The following DNAH9 variants were observed in gnomAD, a reference collection of about 807,000 sequenced individuals.
DNAH9 encodes dynein axonemal heavy chain 9, also known as DNAH9 variant protein.
In DNAH9, 345 loss-of-function variants were observed where a neutral mutation model predicts 471.6. The ratio of observed to expected loss-of-function variants is 0.73; its 90% CI spans 0.67 to 0.80. DNAH9 has a LOEUF of 0.80. Among genes scored for constraint, DNAH9 ranks in the 30% least tolerant of loss-of-function variants. DNAH9 has a pLI of 0.00. For missense variants in DNAH9, 5,407 were observed against 5,609.2 expected (o/e 0.96, Z 1.15); for synonymous variants, 2,093 against 2,123.6 (o/e 0.99, Z 0.40).
chr17:11,611,267 C>T (rs1480715928), intron 3 of DNAH9, among the ~76,000 whole-genome samples: 1 of 152,212 alleles, frequency 6.6e-6, no homozygotes, highest in African/African-American at 2.4e-5. Flanking sequence ...TGCTGAGATG[C>T]CCCATGCTCT....
intron 4 of DNAH9, 50 bp downstream of exon 4, chr17:11,611,830 C>G: frequency 6.3e-7 from 1 of 1,584,734 alleles, no homozygotes; most frequent in South Asian, 1.1e-5. Context: ...AAGTTACCGT[C>G]GAATGATGCA....
Position 11,690,331 on chromosome 17 carries a change from C to A in DNAH9, c.4509C>A (p.Ser1503=). The change falls in exon 20 of 69, where the codon TCC becomes TCA. Residue 1503 remains serine (S), a synonymous_variant. Coordinates refer to ENST00000262442, the MANE Select transcript of DNAH9 (RefSeq NM_001372.4). ...EEVSGWQKKL[S]TVDAVISIWF... ...TGTCGGGCTGGCAGAAGAAGCTGTC[C>A]ACAGTGGACGCTGTCATCTCTATCT... 6.2e-7 allele frequency: 1 copy of A among 1,614,162 alleles called. No individual in the cohort carries two copies. The highest frequency in any genetic ancestry group is 8.5e-7 in the Non-Finnish European group (1 of 1,180,026).
At chr17:11,879,669 A>C (rs1348620543) in intron 53 of DNAH9, among the ~76,000 whole-genome samples, 1 of 152,176 alleles carries the variant, frequency 6.6e-6, no homozygotes, top group East Asian at 1.9e-4. Context: ...CCAGTCATTT[A>C]AAATTACATG....
intron 57 of DNAH9, among the ~76,000 whole-genome samples, chr17:11,889,379 G>A (rs939569433): frequency 1.3e-5 from 2 of 152,132 alleles, no homozygotes; most frequent in African/African-American, 4.8e-5. Context: ...TAAAAATGAG[G>A]AGAAGTTATG....
chr17:11,604,821 C>T (rs577989371), intron 1 of DNAH9, among the ~76,000 whole-genome samples: 47 of 152,266 alleles, frequency 3.1e-4, no homozygotes, highest in African/African-American at 7.5e-4. Context: ...GCCACACCAC[C>T]GTCTTCTGTA....
intron 34 of DNAH9, 23 bp downstream of exon 34, chr17:11,756,699 C>T (rs770346602): frequency 1.4e-6 from 2 of 1,454,748 alleles, no homozygotes; most frequent in South Asian, 2.3e-5. Flanking sequence ...AAGGGAAGAA[C>T]CACAAAGCTA....
At chr17:11,604,608 T>C (rs2072459511) in intron 1 of DNAH9, among the ~76,000 whole-genome samples, 1 of 152,194 alleles carries the variant, frequency 6.6e-6, no homozygotes, top group Admixed American at 6.5e-5. Flanking sequence ...CTGAAGATCT[T>C]ACTCCACCTT....
At chr17:11,821,777 T>G in intron 45 of DNAH9, 143 bp from the exon 46 acceptor site, 1 of 835,588 alleles carries the variant, frequency 1.2e-6, no homozygotes, top group Non-Finnish European at 1.8e-6. Flanking sequence ...AGACATGGTG[T>G]CTGTCCAGCT....
chr17:11,786,400 A>G (rs769564565), intron 41 of DNAH9, among the ~76,000 whole-genome samples: 1 of 152,180 alleles, frequency 6.6e-6, no homozygotes, highest in Non-Finnish European at 1.5e-5. Flanking sequence ...GGGAACGACG[A>G]GTGATATGGA....
intron 60 of DNAH9, among the ~76,000 whole-genome samples, chr17:11,903,837 G>A (rs1973494622): frequency 6.6e-6 from 1 of 152,076 alleles, no homozygotes; most frequent in South Asian, 2.1e-4. Flanking sequence ...CTTGAACCTG[G>A]GAAGCAGAGG....
chr17:11,707,990 CACACACACACACACACACACACACAGAG>C (rs1322728033), intron 26 of DNAH9, among the ~76,000 whole-genome samples: 1,701 of 114,376 alleles, frequency 0.015, 14 homozygotes, highest in Middle Eastern at 0.042. Context: ...CACACACACA[CACACACACACACACACACACACACAGAG>C]AGAGAGAGAG....
intron 26 of DNAH9, among the ~76,000 whole-genome samples, chr17:11,711,066 C>G (rs1198511405): frequency 6.6e-6 from 1 of 152,188 alleles, no homozygotes; most frequent in Non-Finnish European, 1.5e-5. Flanking sequence ...TTTATAACTT[C>G]TCACTCAGAA....
rs551007054 is a variant in DNAH9 at position 11,838,100 on chromosome 17, TTAAC to T, written c.9507+3206_9507+3209del. Among the ~76,000 whole-genome samples, 787 of 152,378 alleles carry T rather than the reference TTAAC, an allele frequency of 5.2e-3. 7 individuals carry two copies. Among genetic ancestry groups the T allele is most frequent in the African/African-American group, 0.017 (698 of 41,596 alleles). On this transcript the variant is annotated intron_variant, in intron 49 of 68. Transcript: ENST00000262442. ...ATTCATGTGCATACTGAATGTTAAT[TTAAC>T]TAAAAGTTTGATATAACCATAATGG... is the stretch of plus-strand genomic sequence containing the variant.
At chr17:11,759,210 G>C (rs1258131885) in intron 35 of DNAH9, among the ~76,000 whole-genome samples, 1 of 151,544 alleles carries the variant, frequency 6.6e-6, no homozygotes, top group African/African-American at 2.4e-5. Context: ...TGGCCCTTTA[G>C]TGTAGCCACC....
intron 4 of DNAH9, among the ~76,000 whole-genome samples, chr17:11,614,272 G>A (rs1320621866): frequency 2.0e-5 from 3 of 152,144 alleles, no homozygotes; most frequent in East Asian, 1.9e-4. Context: ...GGTCAGGGTC[G>A]TTTATTGACC....
At chr17:11,952,139 CTTTTTT>C (rs71142258) in intron 67 of DNAH9, among the ~76,000 whole-genome samples, 5 of 101,992 alleles carry the variant, frequency 4.9e-5, no homozygotes, top group South Asian at 6.9e-4. Context: ...AGCTATATTA[CTTTTTT>C]TTTTTTTTTT....
rs1283083366 is a variant in DNAH9, at chr17:11,651,114, A to T, written c.2143A>T (p.Met715Leu). 1 of 1,614,030 alleles carries T rather than the reference A, an allele frequency of 6.2e-7. No individual in the cohort carries two copies. Among genetic ancestry groups the T allele is most frequent in the Non-Finnish European group, 8.5e-7 (1 of 1,180,022 alleles). The part of the protein sequence containing the change: ...KEMSYLEPRE[M>L]KHMPETAAAM... ...AATGAGCTATCTTGAACCCAGAGAG[A>T]TGAAACACATGCCTGAGACAGCAGC... Residue 715 changes from methionine (M) to leucine (L), a missense_variant, in exon 13 of 69, where the codon ATG (methionine) becomes TTG (leucine). Coordinates refer to ENST00000262442, the MANE Select transcript of DNAH9 (RefSeq NM_001372.4).
intron 38 of DNAH9, among the ~76,000 whole-genome samples, chr17:11,776,890 A>C (rs1045336354): frequency 1.3e-5 from 2 of 152,210 alleles, no homozygotes; most frequent in Non-Finnish European, 1.5e-5. Context: ...ATCTGTGTTC[A>C]TTCTCCATTC....
In DNAH9 at chr17:11,908,994, T is replaced by G. The variant is rs115080093; in HGVS notation, c.11749+3185T>G. Among the ~76,000 whole-genome samples, 300 of 152,344 alleles carry G rather than the reference T, an allele frequency of 2.0e-3. 1 individual carries two copies. Among genetic ancestry groups the G allele is most frequent in the African/African-American group, 6.8e-3 (281 of 41,586 alleles). ...TGATTAGGCAAACATCTGGTCCCTG[T>G]TGGTACGATGCCTTTTAAAATGTAA... On this transcript the variant is annotated intron_variant, in intron 61 of 68. Coordinates refer to ENST00000262442, the MANE Select transcript of DNAH9 (RefSeq NM_001372.4).
Sources: gnomAD v4.1 joint callset for allele counts (sites outside exome capture counted in the v4.1 genomes callset) on GRCh38, gnomAD v4.1.1 for gene constraint, MANE v1.5 for transcripts, NCBI Gene and HGNC (gene_info 2026-07-23, HGNC 2026-07-21) for gene names.